Variants in PCDH7 observed in about 807,000 individuals in gnomAD.
PCDH7 encodes protocadherin-7.
A neutral mutation model predicts 58.9 loss-of-function variants in PCDH7; 17 were observed. The ratio of observed to expected loss-of-function variants is 0.29; its 90% CI spans 0.20 to 0.43. The LOEUF (loss-of-function observed/expected upper bound fraction) is 0.43, where lower values mean the gene tolerates loss of function less well. PCDH7 is among the 20% of genes least tolerant of loss of function. PCDH7 has a pLI of 1.00. For missense variants in PCDH7, 1,274 were observed against 1,441.0 expected (o/e 0.88, Z 1.88); for synonymous variants, 664 against 616.4 (o/e 1.08, Z -1.14).
At chr4:30,743,155 A>G (rs1228259984) in intron 1 of PCDH7, among the ~76,000 whole-genome samples, 2 of 152,204 alleles carry the variant, frequency 1.3e-5, no homozygotes. Flanking sequence ...TAATGATGCC[A>G]AAAACTGAAG....
chr4:31,081,774 CTTT>C (rs200658213), intron 3 of PCDH7, among the ~76,000 whole-genome samples: 1 of 142,098 alleles, frequency 7.0e-6, no homozygotes. Context: ...TTTTTAATTT[CTTT>C]TTTTTTTTTT....
At chr4:31,078,573 C>T (rs1430586393) in intron 3 of PCDH7, among the ~76,000 whole-genome samples, 2 of 149,170 alleles carry the variant, frequency 1.3e-5, no homozygotes, top group Admixed American at 6.7e-5. Context: ...TCAAGCAATG[C>T]TCCTGCTTTG....
intron 1 of PCDH7, among the ~76,000 whole-genome samples, chr4:30,826,856 G>A (rs1729150006): frequency 6.6e-6 from 1 of 152,034 alleles, no homozygotes; most frequent in East Asian, 1.9e-4. Context: ...CCCCCAAATA[G>A]TTGGGACTAC....
At chr4:30,921,125 TA>T (rs1743138397) in intron 2 of PCDH7, among the ~76,000 whole-genome samples, 1 of 152,172 alleles carries the variant, frequency 6.6e-6, no homozygotes, top group African/African-American at 2.4e-5. Context: ...TTCCCAGAGA[TA>T]ATTTGGTGAT....
intron 1 of PCDH7, among the ~76,000 whole-genome samples, chr4:30,766,368 A>G (rs1317755768): frequency 1.3e-5 from 2 of 152,142 alleles, no homozygotes; most frequent in Non-Finnish European, 2.9e-5. Flanking sequence ...CATCTAAAAA[A>G]ATTTTCTTTG....
At chr4:31,119,107 T>A (rs1717341440) in intron 3 of PCDH7, among the ~76,000 whole-genome samples, 1 of 152,202 alleles carries the variant, frequency 6.6e-6, no homozygotes, top group South Asian at 2.1e-4. Flanking sequence ...TAGTTTTAGA[T>A]TCATTTCATA....
chr4:30,737,462 C>T (rs1716463108), downstream of PCDH7, among the ~76,000 whole-genome samples: 1 of 152,074 alleles, frequency 6.6e-6, no homozygotes, highest in Admixed American at 6.6e-5. Context: ...AGGCTGCAGT[C>T]ACCTGTGTTC....
chr4:30,926,346 G>A (rs560008484), intron 2 of PCDH7, among the ~76,000 whole-genome samples: 5 of 151,832 alleles, frequency 3.3e-5, no homozygotes, highest in Middle Eastern at 6.8e-3. Context: ...CACCACACTC[G>A]GCTAATTTTT....
intron 3 of PCDH7, among the ~76,000 whole-genome samples, chr4:31,108,108 CA>C (rs1715810543): frequency 6.6e-6 from 1 of 151,808 alleles, no homozygotes; most frequent in African/African-American, 2.4e-5. Flanking sequence ...TAGCCAAAGG[CA>C]AAACTTAATT....
intron 3 of PCDH7, among the ~76,000 whole-genome samples, chr4:31,091,774 A>G (rs1713286104): frequency 6.6e-6 from 1 of 152,026 alleles, no homozygotes; most frequent in Non-Finnish European, 1.5e-5. Flanking sequence ...CTCCACTTTG[A>G]CATTTGTGAA....
At chr4:31,002,191 C>A (rs1752411457) in intron 3 of PCDH7, among the ~76,000 whole-genome samples, 1 of 152,240 alleles carries the variant, frequency 6.6e-6, no homozygotes, top group African/African-American at 2.4e-5. Flanking sequence ...CCAAAAATGT[C>A]GAGTGATCCT....
chr4:31,047,582 G>T (rs1438007531), intron 3 of PCDH7, among the ~76,000 whole-genome samples: 1 of 152,000 alleles, frequency 6.6e-6, no homozygotes, highest in East Asian at 1.9e-4. Flanking sequence ...TATCTTAAGA[G>T]AAATACAGTA....
chr4:31,045,509 A>G (rs1232724815), intron 3 of PCDH7, among the ~76,000 whole-genome samples: 4 of 152,062 alleles, frequency 2.6e-5, no homozygotes, highest in Admixed American at 2.6e-4. Flanking sequence ...GTCAGAAGTC[A>G]TAACATGATA....
chr4:30,823,905 G>C (rs746016909), intron 1 of PCDH7, among the ~76,000 whole-genome samples: 2 of 151,968 alleles, frequency 1.3e-5, no homozygotes, highest in Non-Finnish European at 2.9e-5. Context: ...TGCTTTTCTT[G>C]TTTAGCTCAG....
chr4:31,042,094 C>A (rs947281796), intron 3 of PCDH7, among the ~76,000 whole-genome samples: 2 of 152,076 alleles, frequency 1.3e-5, no homozygotes, highest in Admixed American at 6.6e-5. Context: ...AGGTTTTCAT[C>A]GGCTGAGTGT....
At chr4:30,943,594 G>A (rs1286846102) in intron 2 of PCDH7, among the ~76,000 whole-genome samples, 2 of 152,086 alleles carry the variant, frequency 1.3e-5, no homozygotes, top group African/African-American at 4.8e-5. Context: ...TCTTTCGCCT[G>A]CATCTCTTCA....
rs369537433 is a variant in PCDH7 at position 30,966,587 on chromosome 4, T to C, written c.*7+16372T>C. Among the ~76,000 whole-genome samples, 21 of 152,130 alleles carry C rather than the reference T, an allele frequency of 1.4e-4. No individual in the cohort carries two copies. The East Asian group carries it at 4.1e-3, about 29-fold the overall frequency. On this transcript the variant is annotated intron_variant, in intron 3 of 3. Transcript: ENST00000509759. Reference sequence around the variant, plus strand: ...GGGGTTTTGACTGTCATTTTTTTGTTTGAGGGGAGTGGGATATGAATTGAG... The same window carrying C: ...GGGGTTTTGACTGTCATTTTTTTGTCTGAGGGGAGTGGGATATGAATTGAG...
In PCDH7 at chr4:30,890,877, G is replaced by A. The variant is rs1445976497; in HGVS notation, c.71-29276G>A. ...AAATAACTAATATTACTAAGATAGG[G>A]AATGTGTCCTTTTAAGTTATTGTAG... On this transcript the variant is annotated intron_variant, in intron 1 of 3. Coordinates refer to the PCDH7 transcript ENST00000509759. Among the ~76,000 whole-genome samples, 7 of 152,066 alleles carry A rather than the reference G, an allele frequency of 4.6e-5. No homozygotes were observed. In the East Asian group the frequency reaches 1.3e-3, roughly 29 times the overall value.
chr4:30,904,659 T>G (rs769246327), intron 1 of PCDH7, among the ~76,000 whole-genome samples: 31 of 152,340 alleles, frequency 2.0e-4, no homozygotes, highest in Non-Finnish European at 4.0e-4. Flanking sequence ...TCATCTGACT[T>G]GTACTAAGTA....
Sources: gnomAD v4.1 joint callset for allele counts (sites outside exome capture counted in the v4.1 genomes callset) on GRCh38, gnomAD v4.1.1 for gene constraint, MANE v1.5 for transcripts, NCBI Gene and HGNC (gene_info 2026-07-23, HGNC 2026-07-21) for gene names.